The following MACROD2 variants were observed in gnomAD, a reference collection of about 807,000 sequenced individuals.
MACROD2 encodes ADP-ribose glycohydrolase MACROD2.
In MACROD2, 36 loss-of-function variants were observed where a neutral mutation model predicts 70.4. That is an observed-to-expected ratio of 0.51 (90% CI 0.39 to 0.68). The LOEUF is 0.68. Ranked by LOEUF, MACROD2 falls within the 30% of genes least tolerant of loss-of-function variation. The pLI, the probability that MACROD2 is intolerant of heterozygous loss-of-function variation, is 0.00. For missense variants in MACROD2, 496 were observed against 538.4 expected (o/e 0.92, Z 0.78); for synonymous variants, 172 against 178.8 (o/e 0.96, Z 0.30).
chr20:14,537,138 T>C (rs2123222829), intron 4 of MACROD2, among the ~76,000 whole-genome samples: 1 of 152,296 alleles, frequency 6.6e-6, no homozygotes, highest in Middle Eastern at 3.4e-3. Context: ...TGGAAAATGT[T>C]ACTTCATTGG....
chr20:14,114,460 G>C (rs2054490842), intron 3 of MACROD2, among the ~76,000 whole-genome samples: 1 of 152,156 alleles, frequency 6.6e-6, no homozygotes, highest in South Asian at 2.1e-4. Flanking sequence ...CAGAGTGATT[G>C]ATTGTCCAAA....
At chr20:15,905,105 T>C (rs2065126972) in intron 10 of MACROD2, among the ~76,000 whole-genome samples, 1 of 152,218 alleles carries the variant, frequency 6.6e-6, no homozygotes, top group Non-Finnish European at 1.5e-5. Context: ...ATCATATTCA[T>C]GAAAATTGAT....
At chr20:15,336,544 C>T (rs1359975309) in intron 6 of MACROD2, among the ~76,000 whole-genome samples, 1 of 151,602 alleles carries the variant, frequency 6.6e-6, no homozygotes, top group Non-Finnish European at 1.5e-5. Flanking sequence ...AGGGGCCAAG[C>T]TTTCTTTTTA....
At chr20:15,420,852 G>A (rs1022451922) in intron 6 of MACROD2, among the ~76,000 whole-genome samples, 3 of 152,090 alleles carry the variant, frequency 2.0e-5, no homozygotes, top group East Asian at 1.9e-4. Context: ...TTGGCAGGCC[G>A]AGGCAGGAGG....
rs371892860 is a variant in MACROD2 at position 15,483,731 on chromosome 20, AT to A, written c.572-16033del. On this transcript the variant is annotated intron_variant, in intron 7 of 17. Transcript: ENST00000684519. Reference sequence around the variant, plus strand: ...TCTTCATTTATTTAGTTCTCCTTTGATTTTTTTTTTATCAGTTTTGGAGTTG... The same window carrying A: ...TCTTCATTTATTTAGTTCTCCTTTGATTTTTTTTTATCAGTTTTGGAGTTG... Among the ~76,000 whole-genome samples the A allele has an allele frequency of 2.1e-3, 314 of 149,530 alleles. 5 individuals carry two copies. The highest frequency in any genetic ancestry group is 6.1e-3 in the African/African-American group (250 of 40,856).
intron 4 of MACROD2, among the ~76,000 whole-genome samples, chr20:14,598,242 G>A (rs541007734): frequency 1.9e-4 from 29 of 152,002 alleles, no homozygotes; most frequent in African/African-American, 4.3e-4. Context: ...AGTTTCCCTC[G>A]TATTTTTTCT....
chr20:14,178,426 AGC>A lies in MACROD2; in HGVS notation c.271+92699_271+92700del, dbSNP rs539189807. Among the ~76,000 whole-genome samples the A allele has an allele frequency of 3.7e-4, 57 of 152,342 alleles. 1 individual carries two copies. The South Asian group carries it at 0.011, about 29-fold the overall frequency. ...CTAGAATATTCTGTTATGAAAAAAT[AGC>A]AAAGTGCAAAAGAATGTCTCCAGGG... On this transcript the variant is annotated intron_variant, in intron 3 of 17. Coordinates refer to ENST00000684519, the MANE Select transcript of MACROD2 (RefSeq NM_001351661.2).
At chr20:15,161,002 C>T (rs1288062661) in intron 5 of MACROD2, among the ~76,000 whole-genome samples, 1 of 152,056 alleles carries the variant, frequency 6.6e-6, no homozygotes, top group Admixed American at 6.6e-5. Flanking sequence ...TGCATGCACA[C>T]TGTTATACAA....
At chr20:15,407,191 G>A (rs550796006) in intron 6 of MACROD2, among the ~76,000 whole-genome samples, 3 of 152,168 alleles carry the variant, frequency 2.0e-5, no homozygotes, top group South Asian at 4.1e-4. Context: ...CTCAGGCCTA[G>A]AGGTGTTCTC....
At chr20:15,409,426 G>A (rs2046047190) in intron 6 of MACROD2, among the ~76,000 whole-genome samples, 1 of 152,222 alleles carries the variant, frequency 6.6e-6, no homozygotes, top group Non-Finnish European at 1.5e-5. Context: ...GAATCAGAGT[G>A]TAGCAATGGA....
chr20:15,802,944 A>G (rs1338740742), intron 8 of MACROD2, among the ~76,000 whole-genome samples: 1 of 152,148 alleles, frequency 6.6e-6, no homozygotes, highest in Non-Finnish European at 1.5e-5. Flanking sequence ...CTGAACACCT[A>G]CAGTCTACCA....
At chr20:15,718,019 T>C (rs1225183023) in intron 8 of MACROD2, among the ~76,000 whole-genome samples, 1 of 79,854 alleles carries the variant, frequency 1.3e-5, no homozygotes, top group African/African-American at 1.0e-4. Flanking sequence ...GTTTTCTCTC[T>C]TTTTTTTTTT....
chr20:14,046,748 T>TTTATTTATTTAC (rs2053482883), intron 2 of MACROD2, among the ~76,000 whole-genome samples: 1 of 151,008 alleles, frequency 6.6e-6, no homozygotes, highest in East Asian at 1.9e-4. Flanking sequence ...TATTTATTTA[T>TTTATTTATTTAC]TTATTTATTA....
chr20:14,732,811 TA>T (rs1190918430), intron 5 of MACROD2, among the ~76,000 whole-genome samples: 1 of 152,092 alleles, frequency 6.6e-6, no homozygotes, highest in Non-Finnish European at 1.5e-5. Context: ...TCTAGGCCCC[TA>T]GGAGTTCTTA....
Position 16,049,920 on chromosome 20 carries a change from C to G in MACROD2, c.*44C>G, listed in dbSNP as rs139220373. 3.0e-5 allele frequency: 32 copies of G among 1,058,186 alleles called. No homozygotes were observed. Among genetic ancestry groups the G allele is most frequent in the East Asian group, 5.5e-5 (1 of 18,096 alleles). 65.5% of individuals were successfully genotyped at this position (1,058,186 alleles called of 1,614,324 possible). A position where few individuals can be genotyped will look rare whatever the true frequency, so the allele number is the denominator to read the frequency against. ...GGCCTCTCCTGGCTCTGGGGGAGCT[C>G]GGGAAGATAGCAGCACACGCTGTGG... On this transcript the variant is annotated 3_prime_UTR_variant, in exon 18 of 18. Coordinates refer to ENST00000684519, the MANE Select transcript of MACROD2 (RefSeq NM_001351661.2).
At chr20:14,404,922 C>T (rs1259053910) in intron 3 of MACROD2, among the ~76,000 whole-genome samples, 1 of 151,144 alleles carries the variant, frequency 6.6e-6, no homozygotes, top group African/African-American at 2.4e-5. Flanking sequence ...AGAATAAAGG[C>T]ATATTTAAAA....
At chr20:15,901,321 G>A (rs2065060856) in intron 10 of MACROD2, among the ~76,000 whole-genome samples, 1 of 152,104 alleles carries the variant, frequency 6.6e-6, no homozygotes, top group Non-Finnish European at 1.5e-5. Flanking sequence ...ATTTACAATG[G>A]TTTGATTTAG....
chr20:14,662,636 T>A (rs1440961662), intron 4 of MACROD2, among the ~76,000 whole-genome samples: 1 of 151,274 alleles, frequency 6.6e-6, no homozygotes, highest in African/African-American at 2.4e-5. Context: ...TTAAACAAAT[T>A]TACAAGGGAA....
At chr20:15,719,932 C>T (rs78887666) in intron 8 of MACROD2, among the ~76,000 whole-genome samples, 1 of 152,000 alleles carries the variant, frequency 6.6e-6, no homozygotes, top group Non-Finnish European at 1.5e-5. Flanking sequence ...ACCCATTGAC[C>T]ATCCTCTCTT....
Sources: gnomAD v4.1 joint callset for allele counts (sites outside exome capture counted in the v4.1 genomes callset) on GRCh38, gnomAD v4.1.1 for gene constraint, MANE v1.5 for transcripts, NCBI Gene and HGNC (gene_info 2026-07-23, HGNC 2026-07-21) for gene names.